SH3BP1: variants seen among roughly 807,000 people sequenced by gnomAD.
SH3BP1 encodes SH3 domain binding protein 1, also known as SH3 domain-binding protein 1.
In SH3BP1, 46 loss-of-function variants were observed where a neutral mutation model predicts 69.8. The ratio of observed to expected loss-of-function variants is 0.66; its 90% CI spans 0.52 to 0.84. SH3BP1 has a LOEUF of 0.84. Ranked by LOEUF, SH3BP1 falls within the 40% of genes least tolerant of loss-of-function variation. The probability of loss-of-function intolerance (pLI) is 0.00; values close to 1 mark genes in which losing one functional copy is unlikely to be tolerated. For synonymous variants in SH3BP1, 403 were observed against 378.0 expected, an observed-to-expected ratio of 1.07 and a Z score of -0.77; for missense variants, 868 against 930.9, an observed-to-expected ratio of 0.93 and a Z score of 0.88.
intron 16 of SH3BP1, among the ~76,000 whole-genome samples, chr22:37,653,515 A>G (rs1433929361): frequency 1.3e-5 from 2 of 151,986 alleles, no homozygotes; most frequent in Admixed American, 6.6e-5. Context: ...GGCCCTACCT[A>G]CCAGGCAGGT....
At chr22:37,643,540 A>C in intron 6 of SH3BP1, 104 bp from the exon 7 acceptor site, 1 of 1,494,892 alleles carries the variant, frequency 6.7e-7, no homozygotes, top group Non-Finnish European at 9.2e-7. Flanking sequence ...TCAGATCTGC[A>C]GCTCTAAATC....
intron 10 of SH3BP1, 63 bp from the exon 11 acceptor site, chr22:37,646,755 G>T: frequency 9.8e-7 from 1 of 1,021,354 alleles, no homozygotes; most frequent in South Asian, 1.7e-5. Context: ...GGCTACAAGT[G>T]CGCCAGGGTG....
chr22:37,650,807 C>T, intron 16 of SH3BP1, 82 bp downstream of exon 16: 1 of 1,482,748 alleles, frequency 6.7e-7, no homozygotes, highest in Non-Finnish European at 9.0e-7. Context: ...GAGCTGGAAG[C>T]TGAATTTTTG....
chr22:37,655,164 G>A (rs1357954192), intron 17 of SH3BP1, 108 bp from the exon 18 acceptor site: 11 of 769,966 alleles, frequency 1.4e-5, no homozygotes, highest in South Asian at 7.6e-5. Flanking sequence ...CGGTGTTCCC[G>A]GCAGAGGGAA....
intron 1 of SH3BP1, 53 bp downstream of exon 1, chr22:37,639,899 T>G: frequency 1.6e-6 from 2 of 1,271,624 alleles, no homozygotes; most frequent in Admixed American, 2.3e-5. Flanking sequence ...ACTTGAGGGG[T>G]CGTAAAAGGG....
intron 3 of SH3BP1, 61 bp from the exon 4 acceptor site, chr22:37,642,478 G>A (rs1002192240): frequency 1.3e-6 from 2 of 1,571,472 alleles, no homozygotes; most frequent in African/African-American, 2.7e-5. Flanking sequence ...GGGCTGGCCT[G>A]GTGCTCAGGC....
Position 37,648,453 on chromosome 22 carries a change from G to T in SH3BP1, c.1316+18G>T, listed in dbSNP as rs768761188. 1.3e-5 allele frequency: 19 copies of T among 1,501,094 alleles called. No individual in the cohort carries two copies. The highest frequency in any genetic ancestry group is 3.4e-4 in the Middle Eastern group (2 of 5,862). The allele number at this position is 1,501,094 out of a possible 1,614,324, so 93.0% of individuals were successfully genotyped here. The stretch of plus-strand genomic sequence containing the variant: ...AAAGAAGGGTGAGGGGCCGCGGGCT[G>T]GGGGAGGTGGCAGGAGGAAGGCAGA... On this transcript the variant is annotated intron_variant, in intron 14 of 17. Coordinates refer to ENST00000649765, the MANE Select transcript of SH3BP1 (RefSeq NM_018957.6).
chr22:37,644,719 C>T lies in SH3BP1; in HGVS notation c.687+14C>T, dbSNP rs370625384. 52 of 1,614,052 alleles carry T rather than the reference C, an allele frequency of 3.2e-5. No individual in the cohort carries two copies. Among genetic ancestry groups the T allele is most frequent in the East Asian group, 2.5e-4 (11 of 44,884 alleles). On this transcript the variant is annotated intron_variant, in intron 8 of 17. Transcript: ENST00000649765. ...TACTTCATTCGTGTGAGTCCAAGAC[C>T]GGGCCCCAGCCATCCAGAGTTCAGG...
At chr22:37,653,740 G>A (rs1311690818) in intron 16 of SH3BP1, 39 bp from the exon 17 acceptor site, 2 of 1,428,118 alleles carry the variant, frequency 1.4e-6, no homozygotes, top group Non-Finnish European at 2.0e-6. Flanking sequence ...ACTTCTGGGA[G>A]GTGGCTAAGT....
chr22:37,642,299 C>T (rs951379246), intron 3 of SH3BP1: 2 of 532,858 alleles, frequency 3.8e-6, no homozygotes, highest in African/African-American at 1.9e-5. Context: ...CTTGGTCATT[C>T]CTTCCTGCCC....
At chr22:37,644,731 A>G (rs1382505864) in intron 8 of SH3BP1, 26 bp downstream of exon 8, 5 of 1,613,522 alleles carry the variant, frequency 3.1e-6, no homozygotes, top group East Asian at 2.2e-5. Flanking sequence ...GGCCCCAGCC[A>G]TCCAGAGTTC....
chr22:37,643,895 A>G, intron 7 of SH3BP1, 107 bp downstream of exon 7: 3 of 1,357,964 alleles, frequency 2.2e-6, no homozygotes, highest in Non-Finnish European at 2.0e-6. Flanking sequence ...TGACTTGCCT[A>G]AGGCCACGTG....
rs1243293262 is a variant in SH3BP1, at chr22:37,646,855, A to G, written c.962A>G (p.Lys321Arg). 6.4e-7 allele frequency: 1 copy of G among 1,562,296 alleles called. No homozygotes were observed. Among genetic ancestry groups the G allele is most frequent in the Non-Finnish European group, 8.6e-7 (1 of 1,156,436 alleles). The change falls in exon 11 of 18, where the codon AAG (lysine) becomes AGG (arginine). Residue 321 changes from lysine (K) to arginine (R), a missense_variant. By Grantham distance (26) the Lys-to-Arg change is conservative. Around this residue, in one of 3 missense-constraint regions of SH3BP1, gnomAD observed 387 missense variants for 447.9 expected, o/e 0.86. Transcript: ENST00000649765. The part of the protein sequence containing the change: ...FRLAAGASVL[K>R]RLKQTMASDP... ...CTGGCTGCTGGGGCCTCGGTGCTGA[A>G]GCGTCTCAAGCAGACAATGGCCTCG...
chr22:37,656,105 G>A lies in SH3BP1; in HGVS notation c.*421G>A, dbSNP rs896989523. The A allele has an allele frequency of 1.1e-4, 139 of 1,211,256 alleles. No homozygotes were observed. Among genetic ancestry groups the A allele is most frequent in the Non-Finnish European group, 1.5e-4 (138 of 918,246 alleles). 75.0% of individuals were successfully genotyped at this position (1,211,256 alleles called of 1,614,324 possible). A position where few individuals can be genotyped will look rare whatever the true frequency, so the allele number is the denominator to read the frequency against. On this transcript the variant is annotated 3_prime_UTR_variant, in exon 18 of 18. Transcript: ENST00000649765. The stretch of plus-strand genomic sequence containing the variant: ...GAAATAAAGAAGCCAATTTTATAAA[G>A]GGGAAAACAATACATATTCTTTGCC...
At chr22:37,647,822 C>G (rs1272115359) in intron 13 of SH3BP1, among the ~76,000 whole-genome samples, 1 of 152,046 alleles carries the variant, frequency 6.6e-6, no homozygotes, top group African/African-American at 2.4e-5. Flanking sequence ...ACTACAGGCG[C>G]CTGCCATCAC....
chr22:37,644,533 C>A, intron 7 of SH3BP1, 104 bp from the exon 8 acceptor site: 1 of 1,089,770 alleles, frequency 9.2e-7, no homozygotes, highest in Non-Finnish European at 1.4e-6. Context: ...CTTCCACCTG[C>A]AGTTGTGTGG....
Position 37,647,521 on chromosome 22 carries a change from G to C in SH3BP1, c.1199G>C (p.Arg400Thr). The change falls in exon 13 of 18, where the codon AGG (arginine) becomes ACG (threonine). Residue 400 changes from arginine (R) to threonine (T), a missense_variant and splice_region_variant. Coordinates refer to ENST00000649765, the MANE Select transcript of SH3BP1 (RefSeq NM_018957.6). ...RLPPENLSNL[R>T]YLMKFLARLA... ...CCCCCCGAGAACCTCAGCAACCTCA[G>C]GTGAGCCCGAGCCCGCCTCCCCAGC... 6.3e-7 allele frequency: 1 copy of C among 1,599,954 alleles called. No homozygotes were observed. The highest frequency in any genetic ancestry group is 8.5e-7 in the Non-Finnish European group (1 of 1,178,096).
At chr22:37,654,528 G>A (rs377396697) in intron 17 of SH3BP1, among the ~76,000 whole-genome samples, 3 of 151,564 alleles carry the variant, frequency 2.0e-5, no homozygotes, top group Non-Finnish European at 4.4e-5. Context: ...CAAAGATCAC[G>A]CCACTGCACT....
chr22:37,655,589 G>T lies in SH3BP1; in HGVS notation c.2011G>T (p.Glu671Ter). Residue 671 changes from glutamate to a stop codon, truncating the protein, a stop_gained, in exon 18 of 18, where the codon GAG becomes TAG. Coordinates refer to ENST00000649765, the MANE Select transcript of SH3BP1 (RefSeq NM_018957.6). LOFTEE classifies it low-confidence loss of function (END_TRUNC). ...AQVDLGAATA[E>*]GGAPEAISGV... The stretch of plus-strand genomic sequence containing the variant: ...GGTGGACCTGGGGGCTGCCACAGCA[G>T]AGGGAGGAGCCCCTGAGGCTATCAG... 6.3e-7 allele frequency: 1 copy of T among 1,592,732 alleles called. No homozygotes were observed. The highest frequency in any genetic ancestry group is 2.3e-5 in the East Asian group (1 of 44,162).
Sources: allele counts gnomAD v4.1 joint callset (sites outside exome capture counted in the v4.1 genomes callset), GRCh38; gene constraint gnomAD v4.1.1; regional missense constraint gnomAD v4.1.1; transcripts MANE v1.5; gene names NCBI Gene and HGNC (gene_info 2026-07-23, HGNC 2026-07-21).